GLIS3: variants seen among roughly 807,000 people sequenced by gnomAD.
GLIS3 encodes the protein GLIS family zinc finger 3.
In GLIS3, 53 loss-of-function variants were observed where a neutral mutation model predicts 78.6. The ratio of observed to expected loss-of-function variants is 0.67; its 90% CI spans 0.54 to 0.85. GLIS3 has a LOEUF of 0.85. Ranked by LOEUF, GLIS3 falls within the 40% of genes least tolerant of loss-of-function variation. The pLI, the probability that GLIS3 is intolerant of heterozygous loss-of-function variation, is 0.00. For missense variants in GLIS3, 1,703 were observed against 1,231.1 expected (o/e 1.38, Z -5.74); for synonymous variants, 684 against 509.9 (o/e 1.34, Z -4.60).
At chr9:3,963,989 A>C (rs1817750065) in intron 4 of GLIS3, among the ~76,000 whole-genome samples, 1 of 152,166 alleles carries the variant, frequency 6.6e-6, no homozygotes, top group African/African-American at 2.4e-5. Flanking sequence ...GCACTGCTTC[A>C]TGCTGCCATG....
At chr9:4,319,081 G>A (rs1415464997) in intron 2 of GLIS3, among the ~76,000 whole-genome samples, 1 of 152,180 alleles carries the variant, frequency 6.6e-6, no homozygotes, top group African/African-American at 2.4e-5. Context: ...TGAAAGACAT[G>A]AGGAACCATT....
intron 4 of GLIS3, among the ~76,000 whole-genome samples, chr9:4,005,966 A>G (rs890200741): frequency 1.3e-5 from 2 of 152,222 alleles, no homozygotes; most frequent in South Asian, 4.1e-4. Context: ...TTCAGCATAG[A>G]CAGAAATGTG....
chr9:3,934,510 A>C (rs1238097254), intron 5 of GLIS3, among the ~76,000 whole-genome samples: 1 of 151,740 alleles, frequency 6.6e-6, no homozygotes, highest in Non-Finnish European at 1.5e-5. Context: ...CCCGAGTTTA[A>C]GCGATTCTCC....
chr9:4,409,202 T>C, the GLIS3 span, among the ~76,000 whole-genome samples: 3 of 152,184 alleles, frequency 2.0e-5, 1 homozygote, highest in Non-Finnish European at 4.4e-5. Context: ...ACCATTCTTT[T>C]GGAGTCTGTT....
At chr9:4,098,061 C>T (rs978468620) in intron 4 of GLIS3, among the ~76,000 whole-genome samples, 8 of 152,204 alleles carry the variant, frequency 5.3e-5, no homozygotes, top group African/African-American at 1.9e-4. Flanking sequence ...CACATAGAGT[C>T]TTCCACACAG....
intron 6 of GLIS3, among the ~76,000 whole-genome samples, chr9:3,919,936 T>C (rs1824762767): frequency 1.3e-5 from 2 of 151,950 alleles, no homozygotes; most frequent in Non-Finnish European, 2.9e-5. Context: ...CCCATTTCTT[T>C]TAAACTGTTA....
chr9:4,297,692 T>A (rs1816670467), intron 1 of GLIS3, among the ~76,000 whole-genome samples: 1 of 152,030 alleles, frequency 6.6e-6, no homozygotes, highest in Non-Finnish European at 1.5e-5. Flanking sequence ...CTTCCCCAGG[T>A]TTACATGCTC....
intron 4 of GLIS3, among the ~76,000 whole-genome samples, chr9:4,115,531 A>G (rs1334576481): frequency 6.6e-6 from 1 of 152,106 alleles, no homozygotes; most frequent in African/African-American, 2.4e-5. Flanking sequence ...GTGCATATCT[A>G]CTTTAAAAAC....
rs190846921 is a variant in GLIS3, at chr9:3,825,564, A to T, written c.*2708T>A. 3 of 152,332 alleles carry T rather than the reference A, an allele frequency of 2.0e-5. No homozygotes were observed. In the East Asian group the frequency reaches 5.8e-4, roughly 29 times the overall value. 9.4% of individuals were successfully genotyped at this position (152,332 alleles called of 1,614,324 possible). On this transcript the variant is annotated 3_prime_UTR_variant, in exon 11 of 11. Coordinates refer to ENST00000381971, the MANE Select transcript of GLIS3 (RefSeq NM_001042413.2). The stretch of plus-strand genomic sequence containing the variant: ...ACATTTATGAAAATGGTTACATATC[A>T]AGACTTAAAAAGACCAGGACATGAA...
chr9:3,873,007 T>C (rs1313325478), intron 8 of GLIS3, among the ~76,000 whole-genome samples: 1 of 151,868 alleles, frequency 6.6e-6, no homozygotes, highest in Non-Finnish European at 1.5e-5. Context: ...ATAAATGAAA[T>C]TGATAGACAA....
At chr9:3,897,115 C>G (rs1822906215) in intron 7 of GLIS3, among the ~76,000 whole-genome samples, 1 of 152,136 alleles carries the variant, frequency 6.6e-6, no homozygotes, top group South Asian at 2.1e-4. Flanking sequence ...AACAAAGGTG[C>G]TAATGTTTTC....
the GLIS3 span, among the ~76,000 whole-genome samples, chr9:4,483,216 C>T: frequency 1.5e-4 from 12 of 81,970 alleles, no homozygotes; most frequent in Middle Eastern, 4.7e-3. Flanking sequence ...AGAGAAATGC[C>T]GTAAATTGGT....
At chr9:4,062,120 T>C (rs1826704401) in intron 4 of GLIS3, among the ~76,000 whole-genome samples, 1 of 152,208 alleles carries the variant, frequency 6.6e-6, no homozygotes, top group African/African-American at 2.4e-5. Context: ...GTACATAGGT[T>C]GTGAAAGTTA....
chr9:4,407,373 A>C, the GLIS3 span, among the ~76,000 whole-genome samples: 11 of 152,222 alleles, frequency 7.2e-5, no homozygotes, highest in African/African-American at 2.4e-4. Flanking sequence ...TGACCGGGCA[A>C]GGTGGCTCAC....
At chr9:4,184,970 G>A (rs924538099) in intron 2 of GLIS3, among the ~76,000 whole-genome samples, 2 of 152,106 alleles carry the variant, frequency 1.3e-5, no homozygotes, top group African/African-American at 4.8e-5. Context: ...AATTTATTGA[G>A]GTACATTTTA....
intron 2 of GLIS3, among the ~76,000 whole-genome samples, chr9:4,195,752 G>C (rs918239004): frequency 2.0e-5 from 3 of 152,268 alleles, no homozygotes; most frequent in Admixed American, 6.5e-5. Flanking sequence ...AGTCGGGTGG[G>C]GTCTTGGAGA....
intron 4 of GLIS3, among the ~76,000 whole-genome samples, chr9:3,990,065 A>C (rs1820100776): frequency 6.6e-6 from 1 of 152,190 alleles, no homozygotes; most frequent in South Asian, 2.1e-4. Flanking sequence ...CTCAACAAAC[A>C]CTTGAAAGCT....
intron 2 of GLIS3, among the ~76,000 whole-genome samples, chr9:4,336,639 G>A (rs868390342): frequency 2.6e-5 from 4 of 152,338 alleles, no homozygotes; most frequent in Middle Eastern, 3.4e-3. Flanking sequence ...GTAAGCGACA[G>A]AACTAGGGTT....
chr9:3,961,837 T>C (rs1817577967), intron 4 of GLIS3, among the ~76,000 whole-genome samples: 1 of 152,206 alleles, frequency 6.6e-6, no homozygotes, highest in South Asian at 2.1e-4. Flanking sequence ...TACCACTTAA[T>C]ACAAAAACCA....
Sources: gnomAD v4.1 joint callset for allele counts (sites outside exome capture counted in the v4.1 genomes callset) on GRCh38, gnomAD v4.1.1 for gene constraint, MANE v1.5 for transcripts, NCBI Gene and HGNC (gene_info 2026-07-23, HGNC 2026-07-21) for gene names.